PREX2: variants seen among roughly 807,000 people sequenced by gnomAD.
PREX2 encodes the protein phosphatidylinositol-3,4,5-trisphosphate dependent Rac exchange factor 2.
PREX2 carries 107 observed loss-of-function variants against 203.2 expected under a neutral mutation model. The observed-to-expected ratio is 0.53, with a 90% CI of 0.45 to 0.62. The LOEUF (loss-of-function observed/expected upper bound fraction) is 0.62, where lower values mean the gene tolerates loss of function less well. PREX2 is among the 20% of genes least tolerant of loss of function. PREX2 has a pLI of 0.00. For synonymous variants in PREX2, 672 were observed against 663.6 expected (o/e 1.01, Z -0.19); for missense variants, 1,777 against 1,955.9 (o/e 0.91, Z 1.72).
At chr8:67,991,042 C>G (rs1217241689) in intron 1 of PREX2, among the ~76,000 whole-genome samples, 1 of 152,256 alleles carries the variant, frequency 6.6e-6, no homozygotes, top group East Asian at 1.9e-4. Context: ...TCTCAGCTAA[C>G]CCGATTTGTA....
At chr8:68,013,101 A>G (rs1807313999) in intron 1 of PREX2, among the ~76,000 whole-genome samples, 2 of 152,230 alleles carry the variant, frequency 1.3e-5, no homozygotes, top group Non-Finnish European at 2.9e-5. Context: ...TTTATTGAGC[A>G]CTTACCAAGT....
At chr8:68,164,097 G>A (rs1434936974) in intron 35 of PREX2, among the ~76,000 whole-genome samples, 2 of 152,082 alleles carry the variant, frequency 1.3e-5, no homozygotes, top group African/African-American at 4.8e-5. Flanking sequence ...AGGGGTCAGT[G>A]GCACCTTTTT....
chr8:68,202,876 G>T (rs1812534938), intron 37 of PREX2, among the ~76,000 whole-genome samples: 1 of 152,132 alleles, frequency 6.6e-6, no homozygotes, highest in Non-Finnish European at 1.5e-5. Flanking sequence ...CAAGTCAGAA[G>T]GTCTGAGAAC....
chr8:68,077,304 T>A (rs1305125391), intron 14 of PREX2, 93 bp from the exon 15 acceptor site: 1 of 854,618 alleles, frequency 1.2e-6, no homozygotes, highest in Non-Finnish European at 2.0e-6. Context: ...CGAAGCTTTG[T>A]CTGAATTTGG....
chr8:67,998,446 T>C (rs946770760), intron 1 of PREX2, among the ~76,000 whole-genome samples: 7 of 152,236 alleles, frequency 4.6e-5, no homozygotes, highest in African/African-American at 7.2e-5. Flanking sequence ...TCTAGGACTC[T>C]TTGGAATTCT....
intron 35 of PREX2, among the ~76,000 whole-genome samples, chr8:68,172,696 T>C (rs1027423591): frequency 1.3e-5 from 2 of 152,250 alleles, no homozygotes; most frequent in Admixed American, 6.5e-5. Flanking sequence ...GAAGGGATAT[T>C]TTCTAGCAGA....
intron 14 of PREX2, among the ~76,000 whole-genome samples, chr8:68,077,093 A>G (rs1033384918): frequency 6.6e-6 from 1 of 152,260 alleles, no homozygotes; most frequent in Non-Finnish European, 1.5e-5. Context: ...AAGAAATCTA[A>G]TCTAAGAAAT....
At chr8:68,025,578 A>G (rs1243997379) in intron 4 of PREX2, among the ~76,000 whole-genome samples, 14 of 146,040 alleles carry the variant, frequency 9.6e-5, no homozygotes. Context: ...ATTATTTTAG[A>G]AATATTTATC....
chr8:68,184,830 T>C (rs1251767734), intron 35 of PREX2, among the ~76,000 whole-genome samples: 1 of 152,164 alleles, frequency 6.6e-6, no homozygotes, highest in Non-Finnish European at 1.5e-5. Context: ...TATGACAAAA[T>C]AAATTGGTTT....
At chr8:67,971,088 T>C (rs1030799867) in intron 1 of PREX2, among the ~76,000 whole-genome samples, 1 of 152,020 alleles carries the variant, frequency 6.6e-6, no homozygotes, top group African/African-American at 2.4e-5. Context: ...TAGGGGGTGA[T>C]AAAGGTAGCT....
chr8:68,068,685 G>A (rs999719029), intron 11 of PREX2, among the ~76,000 whole-genome samples: 4 of 151,856 alleles, frequency 2.6e-5, no homozygotes, highest in Non-Finnish European at 4.4e-5. Context: ...TGAAGAAACA[G>A]AAAACACAAA....
rs111338193 is a variant in PREX2 at position 67,957,386 on chromosome 8, G to A, written c.141+4851G>A. 6.8e-4 allele frequency among the ~76,000 whole-genome samples: 104 copies of A among 152,210 alleles called. 2 individuals carry two copies. The highest frequency in any genetic ancestry group is 1.9e-3 in the African/African-American group (80 of 41,530). ...CAGCTTAATATATGCATGTCTCTTAGCTCTTTCAAATTGTGCTCCCTGGAG... is the reference window on the plus strand; with the variant it reads ...CAGCTTAATATATGCATGTCTCTTAACTCTTTCAAATTGTGCTCCCTGGAG... On this transcript the variant is annotated intron_variant, in intron 1 of 39. Coordinates refer to ENST00000288368, the MANE Select transcript of PREX2 (RefSeq NM_024870.4).
intron 35 of PREX2, among the ~76,000 whole-genome samples, chr8:68,183,186 A>G (rs1472219221): frequency 1.3e-5 from 2 of 152,126 alleles, no homozygotes; most frequent in Admixed American, 1.3e-4. Flanking sequence ...TTACAAAGGT[A>G]TTTTTAGAGA....
chr8:68,174,743 G>A (rs1811946102), intron 35 of PREX2, among the ~76,000 whole-genome samples: 1 of 152,068 alleles, frequency 6.6e-6, no homozygotes. Flanking sequence ...TGTTGACAAA[G>A]CAGCTACTAA....
chr8:68,123,657 TA>T (rs1810824289), intron 30 of PREX2, among the ~76,000 whole-genome samples: 1 of 151,756 alleles, frequency 6.6e-6, no homozygotes, highest in Admixed American at 6.6e-5. Flanking sequence ...CTACAAAATC[TA>T]AAAGAAATGG....
chr8:68,026,575 T>C (rs1346637988), intron 4 of PREX2, among the ~76,000 whole-genome samples: 1 of 152,024 alleles, frequency 6.6e-6, no homozygotes, highest in African/African-American at 2.4e-5. Context: ...GAAAGCTGCT[T>C]CAGTTTCACC....
intron 37 of PREX2, among the ~76,000 whole-genome samples, chr8:68,197,984 G>T (rs1412995063): frequency 6.6e-6 from 1 of 151,774 alleles, no homozygotes; most frequent in Non-Finnish European, 1.5e-5. Flanking sequence ...ATATGTTACT[G>T]TTCAAATTTC....
intron 20 of PREX2, among the ~76,000 whole-genome samples, chr8:68,092,691 T>G (rs1809917655): frequency 6.6e-6 from 1 of 152,226 alleles, no homozygotes; most frequent in African/African-American, 2.4e-5. Context: ...AATTTTCATA[T>G]TTGTTTGATT....
intron 1 of PREX2, among the ~76,000 whole-genome samples, chr8:67,968,134 T>G (rs529639877): frequency 1.3e-4 from 20 of 151,942 alleles, no homozygotes; most frequent in African/African-American, 4.8e-4. Context: ...ATTGTCTCTC[T>G]GATTGCCCTA....
Sources: allele counts gnomAD v4.1 joint callset (sites outside exome capture counted in the v4.1 genomes callset), GRCh38; gene constraint gnomAD v4.1.1; transcripts MANE v1.5; gene names NCBI Gene and HGNC (gene_info 2026-07-23, HGNC 2026-07-21).